Variants in CACNA2D1 observed in about 807,000 individuals in gnomAD.
CACNA2D1 encodes the protein voltage-dependent calcium channel subunit alpha-2/delta-1.
CACNA2D1 carries 53 observed loss-of-function variants against 171.5 expected under a neutral mutation model. That is an observed-to-expected ratio of 0.31 (90% CI 0.25 to 0.39). CACNA2D1 has a LOEUF of 0.39. Ranked by LOEUF, CACNA2D1 falls within the 10% of genes least tolerant of loss-of-function variation. The probability of loss-of-function intolerance (pLI) is 1.00; values close to 1 mark genes in which losing one functional copy is unlikely to be tolerated. For synonymous variants in CACNA2D1, 442 were observed against 443.1 expected (o/e 1.00, Z 0.03); for missense variants, 903 against 1,299.8 (o/e 0.69, Z 4.69).
At chr7:82,322,146 A>G (rs866469483) in intron 3 of CACNA2D1, among the ~76,000 whole-genome samples, 1 of 149,640 alleles carries the variant, frequency 6.7e-6, no homozygotes, top group African/African-American at 2.4e-5. Context: ...AAAAAAAAAA[A>G]AAAAAAAACA....
chr7:82,316,195 A>G (rs1316874912), intron 3 of CACNA2D1, among the ~76,000 whole-genome samples: 2 of 152,158 alleles, frequency 1.3e-5, no homozygotes, highest in Non-Finnish European at 2.9e-5. Flanking sequence ...TAGTAACTAC[A>G]TAAGAATTTA....
intron 3 of CACNA2D1, among the ~76,000 whole-genome samples, chr7:82,332,540 AAG>A (rs751374210): frequency 9.4e-4 from 54 of 57,668 alleles, no homozygotes; most frequent in African/African-American, 3.6e-3. Flanking sequence ...GAAAGAAAGA[AAG>A]AAAGAAAGAA....
chr7:81,983,370 CAA>C (rs370937261), intron 22 of CACNA2D1, 36 bp from the exon 23 acceptor site: 132 of 1,343,452 alleles, frequency 9.8e-5, no homozygotes, highest in Middle Eastern at 2.0e-4. Context: ...AGCAGGGAAA[CAA>C]AAAAAAAAGA....
chr7:82,410,601 A>C, intron 1 of CACNA2D1: 1 of 764,166 alleles, frequency 1.3e-6, no homozygotes, highest in African/African-American at 1.9e-5. Flanking sequence ...ACACCTGTCA[A>C]GGGAGGCAGA....
At chr7:82,252,201 T>TAAA (rs970292592) in intron 3 of CACNA2D1, among the ~76,000 whole-genome samples, 44 of 152,288 alleles carry the variant, frequency 2.9e-4, no homozygotes, top group Middle Eastern at 3.4e-3. Context: ...ATAATAATAA[T>TAAA]AAACATTTAT....
At chr7:82,243,479 C>T (rs1201329363) in intron 3 of CACNA2D1, among the ~76,000 whole-genome samples, 5 of 152,106 alleles carry the variant, frequency 3.3e-5, no homozygotes, top group Admixed American at 1.3e-4. Flanking sequence ...AGTAACTATC[C>T]AAATATTTAC....
chr7:82,071,325 G>A (rs1242643119), intron 7 of CACNA2D1, among the ~76,000 whole-genome samples: 1 of 152,168 alleles, frequency 6.6e-6, no homozygotes, highest in Non-Finnish European at 1.5e-5. Context: ...GGATATCTTT[G>A]TATTTCTTGC....
At chr7:81,977,962 T>G (rs1796025888) in intron 24 of CACNA2D1, among the ~76,000 whole-genome samples, 1 of 152,178 alleles carries the variant, frequency 6.6e-6, no homozygotes, top group African/African-American at 2.4e-5. Flanking sequence ...AAGACATTTA[T>G]GCGGCCAACA....
intron 3 of CACNA2D1, among the ~76,000 whole-genome samples, chr7:82,245,316 CA>C (rs1804777287): frequency 6.6e-6 from 1 of 152,186 alleles, no homozygotes; most frequent in African/African-American, 2.4e-5. Context: ...CTTGGGCTTA[CA>C]GCTTACTCTG....
At chr7:82,355,473 T>A (rs73704234) in intron 1 of CACNA2D1, among the ~76,000 whole-genome samples, 1 of 152,152 alleles carries the variant, frequency 6.6e-6, no homozygotes, top group Non-Finnish European at 1.5e-5. Context: ...AAGACAGGAC[T>A]TAAACATGAT....
At chr7:81,966,145 T>G (rs1445710588) in intron 31 of CACNA2D1, among the ~76,000 whole-genome samples, 1 of 151,628 alleles carries the variant, frequency 6.6e-6, no homozygotes. Context: ...ATTAAAAATA[T>G]GTAGTTGGAT....
intron 2 of CACNA2D1, among the ~76,000 whole-genome samples, chr7:82,338,007 A>G (rs1261586021): frequency 6.6e-6 from 1 of 152,170 alleles, no homozygotes; most frequent in African/African-American, 2.4e-5. Context: ...GAGATAGCCA[A>G]AAAAACCATA....
chr7:81,974,385 G>A (rs1049550792), intron 25 of CACNA2D1, 70 bp downstream of exon 25: 13 of 757,206 alleles, frequency 1.7e-5, no homozygotes, highest in East Asian at 7.9e-5. Context: ...TATGATTATC[G>A]TATCCTATGA....
chr7:82,385,653 TTG>T (rs1045403314), intron 1 of CACNA2D1, among the ~76,000 whole-genome samples: 3 of 119,016 alleles, frequency 2.5e-5, no homozygotes, highest in Non-Finnish European at 5.5e-5. Context: ...TTTGGTTGTT[TTG>T]TTTTGTTTTG....
intron 3 of CACNA2D1, among the ~76,000 whole-genome samples, chr7:82,243,315 A>C (rs958506757): frequency 1.3e-5 from 2 of 152,224 alleles, no homozygotes; most frequent in South Asian, 2.1e-4. Context: ...TTTCTAAACA[A>C]GAAAAGAATC....
chr7:82,348,402 C>A (rs980310444), intron 2 of CACNA2D1, among the ~76,000 whole-genome samples: 1 of 152,132 alleles, frequency 6.6e-6, no homozygotes, highest in East Asian at 1.9e-4. Flanking sequence ...AGTGTCAGTT[C>A]TCTGAGGAGA....
chr7:82,216,891 C>CA (rs56161307), intron 3 of CACNA2D1, among the ~76,000 whole-genome samples: 33,030 of 130,092 alleles, frequency 0.25, 4,851 homozygotes, highest in Non-Finnish European at 0.35. Flanking sequence ...AGCCTAAATC[C>CA]AAAAAAAAAA....
chr7:82,117,902 T>C (rs1225262426), intron 5 of CACNA2D1, among the ~76,000 whole-genome samples: 1 of 152,174 alleles, frequency 6.6e-6, no homozygotes, highest in African/African-American at 2.4e-5. Flanking sequence ...TTTAACTAAA[T>C]TTATATTGTG....
chr7:82,237,568 C>A (rs1460170974), intron 3 of CACNA2D1, among the ~76,000 whole-genome samples: 1 of 151,878 alleles, frequency 6.6e-6, no homozygotes, highest in Non-Finnish European at 1.5e-5. Flanking sequence ...AATTTATAAT[C>A]TCACATTAAC....
Sources: gnomAD v4.1 joint callset for allele counts (sites outside exome capture counted in the v4.1 genomes callset) on GRCh38, gnomAD v4.1.1 for gene constraint, MANE v1.5 for transcripts, NCBI Gene and HGNC (gene_info 2026-07-23, HGNC 2026-07-21) for gene names.